The following PLAT variants were observed in gnomAD, a reference collection of about 807,000 sequenced individuals.
PLAT encodes the protein plasminogen activator, tissue type.
A neutral mutation model predicts 74.9 loss-of-function variants in PLAT; 48 were observed. The ratio of observed to expected loss-of-function variants is 0.64; its 90% CI spans 0.51 to 0.82. The LOEUF (loss-of-function observed/expected upper bound fraction) is 0.82, where lower values mean the gene tolerates loss of function less well. PLAT is among the 40% of genes least tolerant of loss of function. The pLI, the probability that PLAT is intolerant of heterozygous loss-of-function variation, is 0.00. For synonymous variants in PLAT, 307 were observed against 294.4 expected (o/e 1.04, Z -0.44); for missense variants, 673 against 736.2 (o/e 0.91, Z 0.99).
chr8:42,203,305 G>A (rs574550693), intron 1 of PLAT, among the ~76,000 whole-genome samples: 34 of 152,262 alleles, frequency 2.2e-4, no homozygotes, highest in Non-Finnish European at 4.6e-4. Context: ...CAGGAGCATC[G>A]CGTGGTCACC....
intron 8 of PLAT, 93 bp downstream of exon 8, chr8:42,182,626 G>A (rs1805293140): frequency 1.1e-6 from 1 of 940,168 alleles, no homozygotes; most frequent in Admixed American, 2.4e-5. Context: ...CACTGGGTCT[G>A]TCATGCAACT....
intron 1 of PLAT, among the ~76,000 whole-genome samples, chr8:42,199,116 G>A (rs557691623): frequency 1.3e-5 from 2 of 152,300 alleles, no homozygotes; most frequent in African/African-American, 4.8e-5. Flanking sequence ...ATAGTACAGA[G>A]GCCATGATCT....
At chr8:42,187,622 C>T (rs759335282) in intron 5 of PLAT, 50 bp from the exon 6 acceptor site, 3 of 1,511,812 alleles carry the variant, frequency 2.0e-6, no homozygotes, top group East Asian at 4.6e-5. Context: ...CCCTTTCATT[C>T]AGCCCTCAGG....
chr8:42,189,170 A>G (rs13306822), intron 3 of PLAT, 99 bp from the exon 4 acceptor site: 14,216 of 1,224,394 alleles, frequency 0.012, 231 homozygotes, highest in South Asian at 0.053. Flanking sequence ...CTTGCTTTCT[A>G]TAGACTCCAT....
intron 13 of PLAT, among the ~76,000 whole-genome samples, chr8:42,178,444 A>G (rs1379200630): frequency 2.6e-5 from 4 of 151,812 alleles, no homozygotes; most frequent in Non-Finnish European, 4.4e-5. Context: ...CTAATTTTGT[A>G]TTTTTAGTAG....
At position 42,185,274 on chromosome 8, in the gene PLAT, C is replaced by CT. The variant is rs376407477; in HGVS notation, c.540-103dup. 4,394 of 519,036 alleles carry CT rather than the reference C, an allele frequency of 8.5e-3. 31 individuals are homozygous for CT. Among genetic ancestry groups the CT allele is most frequent in the African/African-American group, 0.041 (2,045 of 49,422 alleles). 32.2% of individuals were successfully genotyped at this position (519,036 alleles called of 1,614,324 possible). ...TCCTTTTCTGGAGGAATGGGGGGTG[C>CT]TTTTTTTTTTGACAGAGTCTCGCTG... On this transcript the variant is annotated intron_variant, in intron 6 of 13. Coordinates refer to ENST00000220809, the MANE Select transcript of PLAT (RefSeq NM_000930.5).
At chr8:42,207,062 C>T (rs927883495) in intron 1 of PLAT, among the ~76,000 whole-genome samples, 5 of 152,164 alleles carry the variant, frequency 3.3e-5, no homozygotes, top group Non-Finnish European at 7.4e-5. Context: ...GGGGGTTCAT[C>T]GGGGGAGGGA....
intron 9 of PLAT, among the ~76,000 whole-genome samples, chr8:42,181,659 G>A (rs1805244767): frequency 6.6e-6 from 1 of 152,212 alleles, no homozygotes. Context: ...AACACCAATA[G>A]AGGCGTCTAG....
At chr8:42,203,986 T>TACAC (rs1395910660) in intron 1 of PLAT, among the ~76,000 whole-genome samples, 19 of 120,068 alleles carry the variant, frequency 1.6e-4, no homozygotes, top group African/African-American at 8.3e-4. Context: ...TATATATATA[T>TACAC]ATATATACAC....
intron 1 of PLAT, among the ~76,000 whole-genome samples, chr8:42,199,026 G>C (rs8178703): frequency 0.053 from 8,133 of 152,230 alleles, 729 homozygotes; most frequent in African/African-American, 0.19. Context: ...AAAGGGTGGC[G>C]TGCTCCCACG....
In PLAT at chr8:42,202,287, G is replaced by C. The variant is rs531918157; in HGVS notation, c.-27+5207C>G. On this transcript the variant is annotated intron_variant, in intron 1 of 13. Coordinates refer to ENST00000220809, the MANE Select transcript of PLAT (RefSeq NM_000930.5). Reference sequence around the variant, plus strand: ...TTGGCTCAAGCAACCCGCCCACCTCGGGCTCCCAAAGTGCTGGGATTACAG... The same window carrying C: ...TTGGCTCAAGCAACCCGCCCACCTCCGGCTCCCAAAGTGCTGGGATTACAG... Among the ~76,000 whole-genome samples the C allele has an allele frequency of 3.3e-5, 5 of 151,656 alleles. No individual in the cohort carries two copies. In the East Asian group the frequency reaches 9.7e-4, roughly 29 times the overall value.
intron 1 of PLAT, among the ~76,000 whole-genome samples, chr8:42,199,970 A>G (rs1170469355): frequency 1.3e-5 from 2 of 152,238 alleles, no homozygotes; most frequent in East Asian, 3.8e-4. Context: ...TCTCCAGCCC[A>G]ACTCCACATT....
intron 11 of PLAT, 56 bp downstream of exon 11, chr8:42,180,186 A>AT: frequency 6.2e-7 from 1 of 1,607,740 alleles, no homozygotes; most frequent in Non-Finnish European, 8.5e-7. Context: ...AGGTGAGTGC[A>AT]TGTGGGTGTG....
At chr8:42,189,760 G>A (rs148918384) in intron 3 of PLAT, among the ~76,000 whole-genome samples, 1,538 of 149,706 alleles carry the variant, frequency 0.01, 26 homozygotes, top group African/African-American at 0.036. Flanking sequence ...TACCATGCCC[G>A]GCTAATTTTT....
intron 1 of PLAT, among the ~76,000 whole-genome samples, chr8:42,199,689 C>A (rs1806053327): frequency 6.6e-6 from 1 of 152,134 alleles, no homozygotes; most frequent in African/African-American, 2.4e-5. Context: ...GAAGTCTATC[C>A]CGCCTCCTCC....
At chr8:42,183,523 A>G (rs1190101733) in intron 7 of PLAT, among the ~76,000 whole-genome samples, 4 of 152,012 alleles carry the variant, frequency 2.6e-5, no homozygotes, top group Non-Finnish European at 4.4e-5. Context: ...CAGTGAACCA[A>G]CGTGCTTCAG....
At chr8:42,198,543 A>G (rs576918526) in intron 1 of PLAT, among the ~76,000 whole-genome samples, 2 of 152,374 alleles carry the variant, frequency 1.3e-5, no homozygotes, top group Non-Finnish European at 2.9e-5. Flanking sequence ...CATGTAGTCA[A>G]TCAATGAAAT....
chr8:42,188,028 A>T lies in PLAT; in HGVS notation c.254-12T>A. 6.4e-7 allele frequency: 1 copy of T among 1,559,660 alleles called. No individual in the cohort carries two copies. Among genetic ancestry groups the T allele is most frequent in the Non-Finnish European group, 8.8e-7 (1 of 1,131,848 alleles). On this transcript the variant is annotated splice_polypyrimidine_tract_variant and intron_variant, in intron 4 of 13. Transcript: ENST00000220809. ...TGGCTCGCTGCAACCTGTCAAGTATAAAAAAGGAAGCCCCTAATGACAGCC... is the reference window on the plus strand; with the variant it reads ...TGGCTCGCTGCAACCTGTCAAGTATTAAAAAGGAAGCCCCTAATGACAGCC...
chr8:42,184,693 AG>A (rs1805381309), intron 7 of PLAT: 1 of 116,034 alleles, frequency 8.6e-6, no homozygotes, highest in African/African-American at 3.3e-5. Flanking sequence ...CAATCTTGGA[AG>A]TTTTTTTTTT....
Sources: allele counts gnomAD v4.1 joint callset (sites outside exome capture counted in the v4.1 genomes callset), GRCh38; gene constraint gnomAD v4.1.1; transcripts MANE v1.5; gene names NCBI Gene and HGNC (gene_info 2026-07-23, HGNC 2026-07-21).